The following FREM3 variants were observed in gnomAD, a reference collection of about 807,000 sequenced individuals.
The protein encoded by FREM3 is FRAS1-related extracellular matrix protein 3.
In FREM3, 105 loss-of-function variants were observed where a neutral mutation model predicts 129.1. The observed-to-expected ratio is 0.81, with a 90% CI of 0.69 to 0.96. FREM3 has a LOEUF of 0.96. Among genes scored for constraint, FREM3 ranks in the 40% least tolerant of loss-of-function variants. The pLI, the probability that FREM3 is intolerant of heterozygous loss-of-function variation, is 0.00. For synonymous variants in FREM3, 1,014 were observed against 1,044.9 expected (o/e 0.97, Z 0.57); for missense variants, 2,593 against 2,666.3 (o/e 0.97, Z 0.61).
intron 4 of FREM3, among the ~76,000 whole-genome samples, chr4:143,621,931 A>T (rs2149841556): frequency 6.6e-6 from 1 of 152,282 alleles, no homozygotes; most frequent in African/African-American, 2.4e-5. Flanking sequence ...ACAAAGTTTT[A>T]GAGGAGATTG....
At chr4:143,675,177 T>C (rs1011447604) in intron 2 of FREM3, among the ~76,000 whole-genome samples, 3 of 151,874 alleles carry the variant, frequency 2.0e-5, no homozygotes. Context: ...GAACAGAAAT[T>C]ATAACAAACA....
chr4:143,599,487 A>G (rs1268803856), intron 6 of FREM3, among the ~76,000 whole-genome samples: 1 of 152,082 alleles, frequency 6.6e-6, no homozygotes, highest in Non-Finnish European at 1.5e-5. Flanking sequence ...GGTCTTAATG[A>G]TTCTGTGATG....
At chr4:143,644,401 A>G (rs2149847004) in intron 2 of FREM3, among the ~76,000 whole-genome samples, 1 of 152,328 alleles carries the variant, frequency 6.6e-6, no homozygotes, top group Admixed American at 6.5e-5. Flanking sequence ...AAGAATGAGT[A>G]TCTAATAATA....
intron 3 of FREM3, among the ~76,000 whole-genome samples, chr4:143,627,025 T>C (rs946086332): frequency 1.9e-4 from 29 of 152,170 alleles, no homozygotes; most frequent in Non-Finnish European, 3.8e-4. Context: ...ACAACTACTG[T>C]TAATTGTTAA....
At chr4:143,594,482 G>A (rs368405442) in intron 6 of FREM3, among the ~76,000 whole-genome samples, 11 of 152,242 alleles carry the variant, frequency 7.2e-5, no homozygotes, top group African/African-American at 2.6e-4. Flanking sequence ...TATTGACAAA[G>A]TCTCAAGAAT....
rs1419331998 is a variant in FREM3, at chr4:143,698,323, C to G, written c.2353G>C (p.Val785Leu). 6.5e-7 allele frequency: 1 copy of G among 1,537,786 alleles called. No individual in the cohort carries two copies. The highest frequency in any genetic ancestry group is 1.4e-5 in the African/African-American group (1 of 73,146). The change falls in exon 1 of 8, where the codon GTT becomes CTT. Residue 785 changes from valine (V) to leucine (L), a missense_variant. By Grantham distance (32) the Val-to-Leu change is conservative. Transcript: ENST00000329798. The part of the protein sequence containing the change: ...FTQAQVNQHK[V>L]AYQPPQKLGI... ...AATTTCTGTGGAGGCTGGTAGGCAA[C>G]TTTATGCTGATTTACCTGGGCTTGG...
At chr4:143,582,358 C>G (rs1034933063) in intron 7 of FREM3, among the ~76,000 whole-genome samples, 2 of 152,044 alleles carry the variant, frequency 1.3e-5, no homozygotes, top group African/African-American at 2.4e-5. Flanking sequence ...CCAGCCGTTA[C>G]ACTTACACGC....
rs191016436 is a variant in FREM3 at position 143,597,029 on chromosome 4, G to A, written c.6029-11036C>T. 6.1e-3 allele frequency among the ~76,000 whole-genome samples: 926 copies of A among 152,240 alleles called. 11 individuals are homozygous for A. The highest frequency in any genetic ancestry group is 0.012 in the Admixed American group (185 of 15,286). On this transcript the variant is annotated intron_variant, in intron 6 of 7. Transcript: ENST00000329798. The stretch of plus-strand genomic sequence containing the variant: ...TAATCCTATATTAGATGGTATGATC[G>A]TCTACTATGGATGAATAAAAAGAGG...
At chr4:143,652,720 C>G (rs418220) in intron 2 of FREM3, among the ~76,000 whole-genome samples, 2 of 152,200 alleles carry the variant, frequency 1.3e-5, no homozygotes, top group African/African-American at 4.8e-5. Flanking sequence ...ACCTCCACCT[C>G]TTGGGCTTAA....
intron 7 of FREM3, among the ~76,000 whole-genome samples, chr4:143,579,155 A>G (rs1430326471): frequency 3.3e-5 from 5 of 152,134 alleles, no homozygotes; most frequent in African/African-American, 1.2e-4. Context: ...AAATAGTGAC[A>G]TTAAGAAAAC....
At chr4:143,594,194 G>A (rs969674872) in intron 6 of FREM3, among the ~76,000 whole-genome samples, 1 of 152,180 alleles carries the variant, frequency 6.6e-6, no homozygotes, top group Admixed American at 6.5e-5. Context: ...GCGATGCCTG[G>A]TCCTGCTCCA....
chr4:143,611,168 A>G, intron 6 of FREM3, 111 bp downstream of exon 6: 1 of 1,218,538 alleles, frequency 8.2e-7, no homozygotes, highest in Non-Finnish European at 1.1e-6. Flanking sequence ...ATAAAAGAAC[A>G]TCAAATATTC....
intron 2 of FREM3, among the ~76,000 whole-genome samples, chr4:143,684,261 C>T (rs373461509): frequency 6.6e-6 from 1 of 152,154 alleles, no homozygotes; most frequent in Non-Finnish European, 1.5e-5. Flanking sequence ...CATTGCACCC[C>T]CCACCACTTC....
At chr4:143,659,594 C>T (rs1372423396) in intron 2 of FREM3, among the ~76,000 whole-genome samples, 2 of 142,324 alleles carry the variant, frequency 1.4e-5, no homozygotes, top group Admixed American at 6.9e-5. Flanking sequence ...TGGGTATATA[C>T]CCAGTAATGG....
chr4:143,605,314 A>G (rs1038749751), intron 6 of FREM3, among the ~76,000 whole-genome samples: 6 of 152,068 alleles, frequency 3.9e-5, no homozygotes, highest in Non-Finnish European at 8.8e-5. Context: ...AGGGTATACT[A>G]TTTCTTCAAG....
chr4:143,658,545 T>C (rs1007403204), intron 2 of FREM3, among the ~76,000 whole-genome samples: 11 of 152,194 alleles, frequency 7.2e-5, no homozygotes, highest in African/African-American at 2.4e-4. Flanking sequence ...ACCCACCACC[T>C]TGTCTAAACC....
At chr4:143,609,626 G>GC (rs1336837421) in intron 6 of FREM3, among the ~76,000 whole-genome samples, 3 of 151,882 alleles carry the variant, frequency 2.0e-5, no homozygotes, top group Non-Finnish European at 4.4e-5. Context: ...CCTAATCATA[G>GC]CCCTGTAATT....
chr4:143,611,222 A>G, intron 6 of FREM3, 57 bp downstream of exon 6: 2 of 1,491,354 alleles, frequency 1.3e-6, no homozygotes, highest in South Asian at 1.3e-5. Context: ...CAACTGTTGG[A>G]GGAAAGTGTG....
chr4:143,631,428 C>T (rs1217162636), intron 2 of FREM3, among the ~76,000 whole-genome samples: 3 of 152,110 alleles, frequency 2.0e-5, no homozygotes, highest in Non-Finnish European at 4.4e-5. Context: ...ACTGTAACCT[C>T]CACCTCCCAG....
Sources: allele counts gnomAD v4.1 joint callset (sites outside exome capture counted in the v4.1 genomes callset), GRCh38; gene constraint gnomAD v4.1.1; transcripts MANE v1.5; gene names NCBI Gene and HGNC (gene_info 2026-07-23, HGNC 2026-07-21).